Variants in GRK2 observed in about 807,000 individuals in gnomAD.
GRK2 encodes the protein G protein-coupled receptor kinase 2.
In GRK2, 23 loss-of-function variants were observed where a neutral mutation model predicts 97.8. The ratio of observed to expected loss-of-function variants is 0.24; its 90% CI spans 0.17 to 0.33. GRK2 has a LOEUF of 0.33. Ranked by LOEUF, GRK2 falls within the 10% of genes least tolerant of loss-of-function variation. GRK2 has a pLI of 1.00. For synonymous variants in GRK2, 425 were observed against 381.7 expected, an observed-to-expected ratio of 1.11 and a Z score of -1.32; for missense variants, 633 against 956.9, an observed-to-expected ratio of 0.66 and a Z score of 4.47.
rs975424413 is a variant in GRK2, at chr11:67,276,648, C to T, written c.114-624C>T. The T allele has an allele frequency of 2.0e-5, 3 of 152,058 alleles. No individual in the cohort carries two copies. Among genetic ancestry groups the T allele is most frequent in the Non-Finnish European group, 4.4e-5 (3 of 68,022 alleles). 9.4% of individuals were successfully genotyped at this position (152,058 alleles called of 1,614,324 possible). A position where few individuals can be genotyped will look rare whatever the true frequency, so the allele number is the denominator to read the frequency against. On this transcript the variant is annotated intron_variant, in intron 1 of 20. Transcript: ENST00000308595. This position sits in a 1 kb window ranked among gnomAD's most constrained non-coding sequence, Gnocchi z 4.2. The stretch of plus-strand genomic sequence containing the variant: ...ATGTAGTGTTTTTTAGTACATTGAC[C>T]GTGTTGTGCAACCCTTACCCCAAAA...
intron 2 of GRK2, 43 bp from the exon 3 acceptor site, chr11:67,279,157 C>CT: frequency 6.4e-7 from 1 of 1,555,550 alleles, no homozygotes; most frequent in South Asian, 1.1e-5. Context: ...GGGAAGGCCT[C>CT]TGAGAGAGGC....
chr11:67,278,386 C>T lies in GRK2; in HGVS notation c.191-814C>T, dbSNP rs987894991. ...CGGGGTCCAGGGTCCAGGCCCCTTACTCAGGCATGAGGACACCCTATCTGG... is the reference window on the plus strand; with the variant it reads ...CGGGGTCCAGGGTCCAGGCCCCTTATTCAGGCATGAGGACACCCTATCTGG... On this transcript the variant is annotated intron_variant, in intron 2 of 20. Transcript: ENST00000308595. 2.6e-5 allele frequency among the ~76,000 whole-genome samples: 4 copies of T among 152,164 alleles called. No homozygotes were observed. In the East Asian group the frequency reaches 7.7e-4, roughly 29 times the overall value.
chr11:67,277,156 G>T (rs1328050554), intron 1 of GRK2, 116 bp from the exon 2 acceptor site: 10 of 925,134 alleles, frequency 1.1e-5, no homozygotes, highest in African/African-American at 1.6e-5. Context: ...TGACGGGCTG[G>T]CCTCCTTCCT....
chr11:67,282,490 A>G lies in GRK2; in HGVS notation c.1108A>G (p.Ser370Gly), dbSNP rs1306863401. The change falls in exon 13 of 21, where the codon AGC (serine) becomes GGC (glycine). Residue 370 changes from serine to glycine, a missense_variant. Ser to Gly is a moderately conservative substitution (Grantham distance 56). Transcript: ENST00000308595. The surrounding 1 kb of genome is among the most constrained non-coding windows in gnomAD (Gnocchi z 6.9). ...CCTGCAGAAGGGCGTGGCCTACGACAGCAGTGCCGACTGGTTCTCTCTGGG... is the reference window on the plus strand; with the variant it reads ...CCTGCAGAAGGGCGTGGCCTACGACGGCAGTGCCGACTGGTTCTCTCTGGG... ...EVLQKGVAYD[S>G]SADWFSLGCM... is the part of the protein sequence containing the mutation. The G allele has an allele frequency of 1.2e-6, 2 of 1,613,658 alleles. No individual in the cohort carries two copies. The highest frequency in any genetic ancestry group is 2.2e-5 in the East Asian group (1 of 44,870).
In GRK2 at chr11:67,269,158, A is replaced by G. The variant is rs1590844605; in HGVS notation, c.113+2346A>G. Among the ~76,000 whole-genome samples, 1 of 152,160 alleles carries G rather than the reference A, an allele frequency of 6.6e-6. No individual in the cohort carries two copies. The highest frequency in any genetic ancestry group is 1.5e-5 in the Non-Finnish European group (1 of 68,008). On this transcript the variant is annotated intron_variant, in intron 1 of 20. Transcript: ENST00000308595. The surrounding 1 kb of genome is among the most constrained non-coding windows in gnomAD (Gnocchi z 4.1). Reference sequence around the variant, plus strand: ...CTTTGCATAACGCCTTGCCTTGCACACCCAGTGGGGCAGAGCACGCCGCCC... The same window carrying G: ...CTTTGCATAACGCCTTGCCTTGCACGCCCAGTGGGGCAGAGCACGCCGCCC...
In GRK2 at chr11:67,281,033, C is replaced by T. The variant is rs373587493; in HGVS notation, c.556-60C>T. 5.4e-6 allele frequency: 8 copies of T among 1,471,388 alleles called. No homozygotes were observed. 91.1% of individuals were successfully genotyped at this position (1,471,388 alleles called of 1,614,324 possible). A position where few individuals can be genotyped will look rare whatever the true frequency, so the allele number is the denominator to read the frequency against. On this transcript the variant is annotated intron_variant, in intron 7 of 20. Transcript: ENST00000308595. The surrounding 1 kb of genome is among the most constrained non-coding windows in gnomAD (Gnocchi z 5.7). ...GGGCCAGCCCCTGCTGCCCAGGTGC[C>T]TCTGCCCCAGGGCTGGGCAGAGGCA...
In GRK2 at chr11:67,283,800, G is replaced by C. The variant is rs769605947; in HGVS notation, c.1395+27G>C. ...TAACAGTCTGCGGCAGGGACTGGGG[G>C]TGCTCTGCAGCCCCACCCCCGAGCT... On this transcript the variant is annotated intron_variant, in intron 16 of 20. Transcript: ENST00000308595. The C allele has an allele frequency of 5.6e-6, 9 of 1,610,552 alleles. No homozygotes were observed. In the South Asian group the frequency reaches 9.9e-5, roughly 18 times the overall value.
chr11:67,280,821 C>T (rs1860132483), intron 7 of GRK2, 38 bp downstream of exon 7: 4 of 1,608,818 alleles, frequency 2.5e-6, no homozygotes, highest in Non-Finnish European at 3.4e-6. Context: ...AGCCACGCAC[C>T]CTGCTGCTCC....
intron 14 of GRK2, 104 bp from the exon 15 acceptor site, chr11:67,283,024 C>T (rs191964290): frequency 8.7e-6 from 11 of 1,264,702 alleles, no homozygotes; most frequent in African/African-American, 4.4e-5. Context: ...GATGCTGTGC[C>T]CCATCTGTCC....
intron 1 of GRK2, among the ~76,000 whole-genome samples, chr11:67,273,872 G>A (rs1859964467): frequency 6.6e-6 from 1 of 152,096 alleles, no homozygotes; most frequent in Admixed American, 6.5e-5. Flanking sequence ...GAAAGGGCCT[G>A]CCCGGCAGGT....
At chr11:67,267,630 CTG>C (rs1859826270) in intron 1 of GRK2, among the ~76,000 whole-genome samples, 1 of 152,236 alleles carries the variant, frequency 6.6e-6, no homozygotes, top group Admixed American at 6.5e-5. Context: ...GCTGCCGCCT[CTG>C]TAAGACAACT....
chr11:67,284,385 C>T lies in GRK2; in HGVS notation c.1654+12C>T, dbSNP rs765642356. 15 of 1,610,352 alleles carry T rather than the reference C, an allele frequency of 9.3e-6. No homozygotes were observed. Among genetic ancestry groups the T allele is most frequent in the East Asian group, 6.7e-5 (3 of 44,866 alleles). On this transcript the variant is annotated intron_variant, in intron 18 of 20. Transcript: ENST00000308595. ...GGGCCATGAGGAAGGTGAGGGTCGCCGGCTGCTGCGGCACCAGGCCCCTGC... is the reference window on the plus strand; with the variant it reads ...GGGCCATGAGGAAGGTGAGGGTCGCTGGCTGCTGCGGCACCAGGCCCCTGC...
rs1860147331 is a variant in GRK2 at position 67,281,389 on chromosome 11, A to G, written c.648-70A>G. On this transcript the variant is annotated intron_variant, in intron 8 of 20. Transcript: ENST00000308595. The surrounding 1 kb of genome is among the most constrained non-coding windows in gnomAD (Gnocchi z 5.7). Reference sequence around the variant, plus strand: ...GGTCCTGGGTCTAGTCTTTCCCTCAAGCGCCCCCTGAGGCAGCCCTGGGCC... The same window carrying G: ...GGTCCTGGGTCTAGTCTTTCCCTCAGGCGCCCCCTGAGGCAGCCCTGGGCC... 3 of 1,425,164 alleles carry G rather than the reference A, an allele frequency of 2.1e-6. No individual in the cohort carries two copies. The highest frequency in any genetic ancestry group is 2.3e-5 in the South Asian group (2 of 86,724). The allele number at this position is 1,425,164 out of a possible 1,614,324, so 88.3% of individuals were successfully genotyped here.
chr11:67,270,785 C>T (rs1485692446), intron 1 of GRK2, among the ~76,000 whole-genome samples: 2 of 152,230 alleles, frequency 1.3e-5, no homozygotes, highest in African/African-American at 2.4e-5. Context: ...ATGCGTTTCA[C>T]TTATTTGCCA....
chr11:67,282,088 C>A lies in GRK2; in HGVS notation c.957+136C>A. 2 of 1,300,326 alleles carry A rather than the reference C, an allele frequency of 1.5e-6. No homozygotes were observed. Among genetic ancestry groups the A allele is most frequent in the South Asian group, 1.4e-5 (1 of 73,852 alleles). The allele number at this position is 1,300,326 out of a possible 1,614,324, so 80.5% of individuals were successfully genotyped here. On this transcript the variant is annotated intron_variant, in intron 11 of 20. Coordinates refer to ENST00000308595, the MANE Select transcript of GRK2 (RefSeq NM_001619.5). This position sits in a 1 kb window ranked among gnomAD's most constrained non-coding sequence, Gnocchi z 6.9. ...CGTATCTTCCCATCTCCGCCCCTGCCCTTCCCACCGAGCCACTCTCTGGGT... is the reference window on the plus strand; with the variant it reads ...CGTATCTTCCCATCTCCGCCCCTGCACTTCCCACCGAGCCACTCTCTGGGT...
At chr11:67,271,961 T>C (rs1944097) in intron 1 of GRK2, among the ~76,000 whole-genome samples, 1 of 152,200 alleles carries the variant, frequency 6.6e-6, no homozygotes, top group African/African-American at 2.4e-5. Context: ...GGTTGGTGAA[T>C]GCTCGCTCAT....
intron 2 of GRK2, among the ~76,000 whole-genome samples, 163 bp downstream of exon 2, chr11:67,277,511 C>T (rs1475871578): frequency 6.6e-6 from 1 of 152,266 alleles, no homozygotes; most frequent in African/African-American, 2.4e-5. Flanking sequence ...TGCGACCCTG[C>T]GTGCCTCCTT....
In GRK2 at chr11:67,266,680, G is replaced by T; in HGVS notation, c.-20G>T. On this transcript the variant is annotated 5_prime_UTR_variant, in exon 1 of 21. Transcript: ENST00000308595. Reference sequence around the variant, plus strand: ...GCGGCGGCGGCGGCGGCGGCGGGAGGAGGCAGCGCCGCCGCCAAGATGGCG... The same window carrying T: ...GCGGCGGCGGCGGCGGCGGCGGGAGTAGGCAGCGCCGCCGCCAAGATGGCG... 1 of 1,124,852 alleles carries T rather than the reference G, an allele frequency of 8.9e-7. No homozygotes were observed. The allele number at this position is 1,124,852 out of a possible 1,614,324, so 69.7% of individuals were successfully genotyped here.
In GRK2 at chr11:67,269,255, G is replaced by A. The variant is rs1176751526; in HGVS notation, c.113+2443G>A. 6.6e-6 allele frequency among the ~76,000 whole-genome samples: 1 copy of A among 151,946 alleles called. No homozygotes were observed. Among genetic ancestry groups the A allele is most frequent in the African/African-American group, 2.4e-5 (1 of 41,334 alleles). ...TGCCTGACACTTTTCCACTTGCAGA[G>A]TGCTTTTTACTCTGTTTTGTCCTTT... On this transcript the variant is annotated intron_variant, in intron 1 of 20. Transcript: ENST00000308595. This position sits in a 1 kb window ranked among gnomAD's most constrained non-coding sequence, Gnocchi z 4.1.
Sources: gnomAD v4.1 joint callset for allele counts (sites outside exome capture counted in the v4.1 genomes callset) on GRCh38, gnomAD v4.1.1 for gene constraint, Gnocchi (gnomAD v3.1) non-coding constraint, MANE v1.5 for transcripts, NCBI Gene and HGNC (gene_info 2026-07-23, HGNC 2026-07-21) for gene names.